The following TDRD12 variants were observed in gnomAD, a reference collection of about 807,000 sequenced individuals.
TDRD12 encodes tudor domain containing 12.
In TDRD12, 158 loss-of-function variants were observed where a neutral mutation model predicts 133.5. The ratio of observed to expected loss-of-function variants is 1.18; its 90% CI spans 1.04 to 1.35. TDRD12 has a LOEUF of 1.35. Ranked by LOEUF, TDRD12 falls within the 40% of genes most tolerant of loss-of-function variation. The probability of loss-of-function intolerance (pLI) is 0.00; values close to 1 mark genes in which losing one functional copy is unlikely to be tolerated. For synonymous variants in TDRD12, 460 were observed against 477.9 expected (o/e 0.96, Z 0.49); for missense variants, 1,443 against 1,321.3 (o/e 1.09, Z -1.43).
At chr19:32,762,665 T>A in intron 8 of TDRD12, among the ~76,000 whole-genome samples, 1 of 152,200 alleles carries the variant, frequency 6.6e-6, no homozygotes, top group Non-Finnish European at 1.5e-5. Context: ...GTGCCTCGAG[T>A]ACTTTTCCTC....
chr19:32,826,157 A>G, downstream of TDRD12: 1 of 1,535,794 alleles, frequency 6.5e-7, no homozygotes, highest in Non-Finnish European at 8.7e-7. Flanking sequence ...GCCGCCTCTG[A>G]AAAGGTACGT....
At chr19:32,798,371 T>C in exon 16 of TDRD12, 3 of 1,535,230 alleles carry the variant, frequency 2.0e-6, no homozygotes, top group Non-Finnish European at 2.6e-6. Context: ...AGCCTGCTGT[T>C]CCTCAGGCTC....
rs142069569 is a variant in TDRD12, at chr19:32,827,419, G to A, written c.*253G>A. ...TTTTGAGACAGAGTCTTGCTCTGTC[G>A]GCCAGGCTGGAGTGCAGTGGCATGA... On this transcript the variant is annotated 3_prime_UTR_variant, in exon 10 of 10. Coordinates refer to the TDRD12 transcript ENST00000637289. The A allele has an allele frequency of 4.3e-3, 1,520 of 353,996 alleles. 27 individuals carry two copies. The highest frequency in any genetic ancestry group is 0.038 in the African/African-American group (1,369 of 35,694). The allele number at this position is 353,996 out of a possible 1,614,324, so 21.9% of individuals were successfully genotyped here. A position where few individuals can be genotyped will look rare whatever the true frequency, so the allele number is the denominator to read the frequency against.
At position 32,790,533 on chromosome 19, in the gene TDRD12, T is replaced by A; in HGVS notation, c.1124T>A (p.Leu375Ter). The A allele has an allele frequency of 6.4e-7, 1 of 1,551,720 alleles. No individual in the cohort carries two copies. Among genetic ancestry groups the A allele is most frequent in the Non-Finnish European group, 8.7e-7 (1 of 1,146,934 alleles). ...TTCTTCTTTTAACTATCTTACAGAT[T>A]ACTGCAGTTTTTAAATCCTGATCCT... Residue 375 changes from leucine (L) to a stop codon, truncating the protein, a stop_gained and splice_region_variant, in exon 12 of 28, where the codon TTA (leucine) becomes TAA (stop). Coordinates refer to ENST00000444215, the Ensembl canonical transcript of TDRD12. LOFTEE classifies it high-confidence loss of function.
At chr19:32,739,362 A>ACCTGGCTGCTCTCTGCATCT (rs375379891) in intron 3 of TDRD12, among the ~76,000 whole-genome samples, 2 of 131,384 alleles carry the variant, frequency 1.5e-5, no homozygotes, top group Non-Finnish European at 1.6e-5. Flanking sequence ...GTTCTCTATC[A>ACCTGGCTGCTCTCTGCATCT]CCTGGCTGCT....
At chr19:32,803,379 G>A (rs1971456423) in intron 21 of TDRD12, among the ~76,000 whole-genome samples, 1 of 152,138 alleles carries the variant, frequency 6.6e-6, no homozygotes, top group Non-Finnish European at 1.5e-5. Context: ...GTTCTCTTTC[G>A]TGTCTGGCTT....
At chr19:32,815,571 C>T (rs1011786739) in exon 26 of TDRD12, 38 of 1,536,058 alleles carry the variant, frequency 2.5e-5, no homozygotes, top group Middle Eastern at 1.7e-4. Flanking sequence ...GAAAAAATTA[C>T]GCGAAGATGC....
chr19:32,800,074 C>A, intron 16 of TDRD12, 93 bp from the exon 17 acceptor site: 1 of 793,786 alleles, frequency 1.3e-6, no homozygotes, highest in Admixed American at 3.2e-5. Context: ...ACTCTGAGAA[C>A]AGAAAATATA....
intron 11 of TDRD12, among the ~76,000 whole-genome samples, chr19:32,786,588 A>C (rs1336402346): frequency 6.6e-6 from 1 of 152,148 alleles, no homozygotes; most frequent in Non-Finnish European, 1.5e-5. Flanking sequence ...GTCTTTTCAC[A>C]TAGTCCCATA....
chr19:32,820,114 G>A (rs966033595), intron 27 of TDRD12, among the ~76,000 whole-genome samples: 12 of 152,214 alleles, frequency 7.9e-5, no homozygotes, highest in Admixed American at 5.2e-4. Flanking sequence ...CAGAGCCTGG[G>A]GAGGGGCGGT....
Position 32,790,524 on chromosome 19 carries a change from C to T in TDRD12, c.1122-7C>T. On this transcript the variant is annotated splice_polypyrimidine_tract_variant and splice_region_variant and intron_variant, in intron 11 of 27. Coordinates refer to ENST00000444215, the Ensembl canonical transcript of TDRD12. ...TTCTTCACATTCTTCTTTTAACTAT[C>T]TTACAGATTACTGCAGTTTTTAAAT... 3 of 1,551,208 alleles carry T rather than the reference C, an allele frequency of 1.9e-6. No individual in the cohort carries two copies. Among genetic ancestry groups the T allele is most frequent in the Non-Finnish European group, 2.6e-6 (3 of 1,146,674 alleles).
intron 26 of TDRD12, among the ~76,000 whole-genome samples, chr19:32,817,689 C>T (rs949281152): frequency 1.3e-5 from 2 of 151,526 alleles, no homozygotes. Flanking sequence ...ATCCAGGTTC[C>T]GCAGCAGCTT....
At chr19:32,737,445 T>A (rs1034946751) in intron 2 of TDRD12, among the ~76,000 whole-genome samples, 1 of 152,180 alleles carries the variant, frequency 6.6e-6, no homozygotes, top group Non-Finnish European at 1.5e-5. Context: ...GCTCAGGTGA[T>A]CCACTCACCT....
At chr19:32,765,408 TAAGTC>T (rs1970266174) in intron 8 of TDRD12, among the ~76,000 whole-genome samples, 1 of 152,228 alleles carries the variant, frequency 6.6e-6, no homozygotes, top group African/African-American at 2.4e-5. Flanking sequence ...CAAAGGATTA[TAAGTC>T]ATACTGCTAT....
At chr19:32,777,098 GC>G in intron 10 of TDRD12, 50 bp from the exon 11 acceptor site, 1 of 1,207,362 alleles carries the variant, frequency 8.3e-7, no homozygotes. Context: ...TCACTGTGTT[GC>G]CCAGGCTGCT....
chr19:32,807,688 G>A (rs930748952), intron 22 of TDRD12, 40 bp downstream of exon 22: 65 of 1,358,648 alleles, frequency 4.8e-5, no homozygotes, highest in Non-Finnish European at 6.3e-5. Context: ...CTGACGAATG[G>A]TCATGTTAAT....
chr19:32,794,671 CT>C lies in TDRD12; in HGVS notation c.1333del (p.Tyr445ThrfsTer6). ...TTTCCGGGCCCCAGCCACACTGAAT[CT>C]TACTCTTGGCCTCCCATAGCGCGTG... On this transcript the variant is annotated frameshift_variant, in exon 14 of 28. Transcript: ENST00000444215. LOFTEE classifies it high-confidence loss of function. 1 of 703,014 alleles carries C rather than the reference CT, an allele frequency of 1.4e-6. No homozygotes were observed. The allele number at this position is 703,014 out of a possible 1,614,324, so 43.5% of individuals were successfully genotyped here.
chr19:32,805,988 T>C (rs1020997598), intron 21 of TDRD12, among the ~76,000 whole-genome samples: 188 of 152,140 alleles, frequency 1.2e-3, no homozygotes, highest in African/African-American at 4.3e-3. Flanking sequence ...TGCCTCAGCC[T>C]CCCAAAGTGC....
At chr19:32,760,935 T>G (rs983870034) in intron 8 of TDRD12, among the ~76,000 whole-genome samples, 6 of 152,230 alleles carry the variant, frequency 3.9e-5, no homozygotes, top group Non-Finnish European at 7.3e-5. Flanking sequence ...TCCCCAATAC[T>G]TGAGTTTTTC....
Sources: allele counts gnomAD v4.1 joint callset (sites outside exome capture counted in the v4.1 genomes callset), GRCh38; gene constraint gnomAD v4.1.1; transcripts MANE v1.5; gene names NCBI Gene and HGNC (gene_info 2026-07-23, HGNC 2026-07-21).